The following USP35 variants were observed in gnomAD, a reference collection of about 807,000 sequenced individuals.
USP35 encodes the protein ubiquitin specific peptidase 35.
A neutral mutation model predicts 83.8 loss-of-function variants in USP35; 69 were observed. The observed-to-expected ratio is 0.82, with a 90% CI of 0.68 to 1.01. The LOEUF (loss-of-function observed/expected upper bound fraction) is 1.01. USP35 is among the 50% of genes least tolerant of loss of function. The pLI is 0.00. For synonymous variants in USP35, 714 were observed against 589.5 expected (o/e 1.21, Z -3.06); for missense variants, 1,503 against 1,362.5 (o/e 1.10, Z -1.62).
chr11:78,231,336 G>GGTGTGTGTGTGTGTGTGTGTGTGT, the USP35 span, among the ~76,000 whole-genome samples: 97 of 145,890 alleles, frequency 6.6e-4, 1 homozygote, highest in African/African-American at 2.2e-3. Context: ...GCGCGTGTGT[G>GGTGTGTGTGTGTGTGTGTGTGTGT]GTGTGTGTGT....
rs1326361553 is a variant in USP35 at position 78,209,717 on chromosome 11, T to A, written c.1862T>A (p.Ile621Asn). 1 of 1,613,874 alleles carries A rather than the reference T, an allele frequency of 6.2e-7. No individual in the cohort carries two copies. Among genetic ancestry groups the A allele is most frequent in the Non-Finnish European group, 8.5e-7 (1 of 1,179,960 alleles). ...LGSVMRPTED[I>N]TARELPPPTS... ...TCTGTGATGCGCCCCACAGAAGACATCACAGCCCGGGAGTTGCCCCCACCA... is the reference window on the plus strand; with the variant it reads ...TCTGTGATGCGCCCCACAGAAGACAACACAGCCCGGGAGTTGCCCCCACCA... The change falls in exon 10 of 11, where the codon ATC becomes AAC. Residue 621 changes from isoleucine to asparagine, a missense_variant. Transcript: ENST00000529308.
In USP35 at chr11:78,196,308, G is replaced by A. The variant is rs1364300026; in HGVS notation, c.63G>A (p.Leu21=). 1.3e-6 allele frequency: 2 copies of A among 1,592,396 alleles called. No homozygotes were observed. The highest frequency in any genetic ancestry group is 1.7e-6 in the Non-Finnish European group (2 of 1,176,526). The change falls in exon 2 of 11, where the codon CTG becomes CTA. Residue 21 remains leucine, a synonymous_variant. Transcript: ENST00000529308. The surrounding 1 kb of genome is among the most constrained non-coding windows in gnomAD (Gnocchi z 4.8). ...ACCCGGTCAGCGTGAAGCAGGGGCT[G>A]GTTCGGCGCGTGCTGGAGGCGGCGC... is the stretch of plus-strand genomic sequence containing the variant. ...SSYPVSVKQG[L]VRRVLEAARQ... is the part of the protein sequence containing the mutation.
the USP35 span, among the ~76,000 whole-genome samples, chr11:78,233,327 G>A: frequency 5.9e-5 from 9 of 152,168 alleles, no homozygotes; most frequent in East Asian, 1.9e-4. Flanking sequence ...GAGCCACTGC[G>A]TCTGGCCTGT....
rs1342028525 is a variant in USP35 at position 78,205,835 on chromosome 11, T to G, written c.1198-7T>G. 1 of 1,606,532 alleles carries G rather than the reference T, an allele frequency of 6.2e-7. No homozygotes were observed. On this transcript the variant is annotated splice_region_variant and splice_polypyrimidine_tract_variant and intron_variant, in intron 6 of 10. Coordinates refer to ENST00000529308, the MANE Select transcript of USP35 (RefSeq NM_020798.4). The stretch of plus-strand genomic sequence containing the variant: ...CCATCCTGCCTGCCTGCTTATTCCC[T>G]CCTCAGGACCTCCATGTTCCCAATG...
At chr11:78,203,537 G>A (rs987277298) in intron 6 of USP35, among the ~76,000 whole-genome samples, 1 of 152,114 alleles carries the variant, frequency 6.6e-6, no homozygotes, top group Admixed American at 6.5e-5. Flanking sequence ...AAAGACTCAA[G>A]TATGTATGTC....
downstream of USP35, chr11:78,217,479 T>G (rs2134444301): frequency 6.6e-6 from 1 of 152,270 alleles, no homozygotes. Context: ...TCATGGGAGC[T>G]GAAAGGGGAA....
intron 3 of USP35, 126 bp from the exon 4 acceptor site, chr11:78,199,469 G>A (rs1863267962): frequency 2.8e-6 from 4 of 1,421,612 alleles, no homozygotes; most frequent in Admixed American, 3.8e-5. Context: ...CACAGACCCC[G>A]GGGCTGCCCT....
chr11:78,215,190 AAAATACCC>A lies in USP35; in HGVS notation c.*1380_*1387del, dbSNP rs1565409707. 1 of 152,562 alleles carries A rather than the reference AAAATACCC, an allele frequency of 6.6e-6. No homozygotes were observed. Among genetic ancestry groups the A allele is most frequent in the African/African-American group, 2.4e-5 (1 of 41,426 alleles). 9.5% of individuals were successfully genotyped at this position (152,562 alleles called of 1,614,324 possible). On this transcript the variant is annotated 3_prime_UTR_variant, in exon 11 of 11. Coordinates refer to ENST00000529308, the MANE Select transcript of USP35 (RefSeq NM_020798.4). ...CATTTGTTCTTATTCACAGCCAAGA[AAAATACCC>A]AATTATTTCCAAATAAAGCAAAAAT...
the USP35 span, chr11:78,223,556 C>T: frequency 1.8e-4 from 295 of 1,613,760 alleles, no homozygotes; most frequent in East Asian, 5.1e-3. Flanking sequence ...GGGATGTAGA[C>T]GCTCTGGGAA....
intron 6 of USP35, among the ~76,000 whole-genome samples, chr11:78,204,818 T>G (rs1863485236): frequency 6.6e-6 from 1 of 152,202 alleles, no homozygotes; most frequent in South Asian, 2.1e-4. Context: ...TCTGATAAAT[T>G]ATCCGATAAA....
Position 78,196,498 on chromosome 11 carries a change from G to GTGCTGCGCC in USP35, c.260_268dup (p.Arg87_Leu89dup), listed in dbSNP as rs1863149901. 8.1e-7 allele frequency: 1 copy of GTGCTGCGCC among 1,232,190 alleles called. No homozygotes were observed. Among genetic ancestry groups the GTGCTGCGCC allele is most frequent in the Non-Finnish European group, 1.0e-6 (1 of 982,078 alleles). The allele number at this position is 1,232,190 out of a possible 1,614,324, so 76.3% of individuals were successfully genotyped here. A position where few individuals can be genotyped will look rare whatever the true frequency, so the allele number is the denominator to read the frequency against. On this transcript the variant is annotated inframe_insertion, in exon 2 of 11. Transcript: ENST00000529308. The surrounding 1 kb of genome is among the most constrained non-coding windows in gnomAD (Gnocchi z 4.8). ...CGCCGAGTTCTTCAGCGCGCGTCGCGTGCTGCGCCTGCTGCAGGGTGGCGC... is the reference window on the plus strand; with the variant it reads ...CGCCGAGTTCTTCAGCGCGCGTCGCGTGCTGCGCCTGCTGCGCCTGCTGCAGGGTGGCGC...
the USP35 span, among the ~76,000 whole-genome samples, chr11:78,231,336 G>GGTGC: frequency 6.9e-6 from 1 of 145,796 alleles, no homozygotes; most frequent in Admixed American, 6.8e-5. Context: ...GCGCGTGTGT[G>GGTGC]GTGTGTGTGT....
intron 5 of USP35, among the ~76,000 whole-genome samples, 156 bp downstream of exon 5, chr11:78,200,390 G>C (rs1863312057): frequency 6.6e-6 from 1 of 152,240 alleles, no homozygotes; most frequent in African/African-American, 2.4e-5. Context: ...GTGGGCTCTG[G>C]CCTCCCTTTG....
Position 78,207,594 on chromosome 11 carries a change from T to C in USP35, c.1456T>C (p.Trp486Arg), listed in dbSNP as rs768110839. ...NSQPLMTKLQ[W>R]LFGFLEHSQR... is the part of the protein sequence containing the mutation. Reference sequence around the variant, plus strand: ...ACAGCCCCTGATGACCAAGCTGCAGTGGCTCTTTGGCTTCCTAGAACACAG... The same window carrying C: ...ACAGCCCCTGATGACCAAGCTGCAGCGGCTCTTTGGCTTCCTAGAACACAG... Residue 486 changes from tryptophan to arginine, a missense_variant, in exon 8 of 11, where the codon TGG becomes CGG. Transcript: ENST00000529308. 2 of 1,613,972 alleles carry C rather than the reference T, an allele frequency of 1.2e-6. No individual in the cohort carries two copies. Among genetic ancestry groups the C allele is most frequent in the East Asian group, 4.5e-5 (2 of 44,896 alleles).
At chr11:78,203,933 C>T (rs1159799207) in intron 6 of USP35, among the ~76,000 whole-genome samples, 1 of 137,488 alleles carries the variant, frequency 7.3e-6, no homozygotes, top group Non-Finnish European at 1.5e-5. Context: ...CTCTGTCGTC[C>T]AGGCTGGAGT....
chr11:78,232,243 G>C, the USP35 span, among the ~76,000 whole-genome samples: 1 of 152,186 alleles, frequency 6.6e-6, no homozygotes, highest in African/African-American at 2.4e-5. Context: ...TCTTTCTATA[G>C]ACTACTGCTG....
chr11:78,212,490 C>G (rs147629894), intron 10 of USP35, among the ~76,000 whole-genome samples: 1 of 152,138 alleles, frequency 6.6e-6, no homozygotes, highest in African/African-American at 2.4e-5. Context: ...GGTAGTTTAA[C>G]GGGAATAGCA....
rs1457430523 is a variant in USP35, at chr11:78,215,116, G to A, written c.*1303G>A. ...CTAGACGCCTAAGAAAGCTGGATGG[G>A]TAAATGCTAGTATGATTTCCACTTT... On this transcript the variant is annotated 3_prime_UTR_variant, in exon 11 of 11. Transcript: ENST00000529308. Among the ~76,000 whole-genome samples, 1 of 152,186 alleles carries A rather than the reference G, an allele frequency of 6.6e-6. No homozygotes were observed. The highest frequency in any genetic ancestry group is 1.9e-4 in the East Asian group (1 of 5,194).
At position 78,213,746 on chromosome 11, in the gene USP35, A is replaced by AAGGCTCTCCAGGGGGCTGCAATCCTGC. The variant is rs1863917230; in HGVS notation, c.2994_3020dup (p.Ser999_Gly1007dup). ...TTTGATGAAGACAAGGATGAGGATG[A>AAGGCTCTCCAGGGGGCTGCAATCCTGC]AGGCTCTCCAGGGGGCTGCAATCCT... is the stretch of plus-strand genomic sequence containing the variant. On this transcript the variant is annotated inframe_insertion, in exon 11 of 11. Coordinates refer to ENST00000529308, the MANE Select transcript of USP35 (RefSeq NM_020798.4). 1 of 1,542,526 alleles carries AAGGCTCTCCAGGGGGCTGCAATCCTGC rather than the reference A, an allele frequency of 6.5e-7. No individual in the cohort carries two copies. Among genetic ancestry groups the AAGGCTCTCCAGGGGGCTGCAATCCTGC allele is most frequent in the African/African-American group, 1.4e-5 (1 of 69,670 alleles).
Sources: gnomAD v4.1 joint callset for allele counts (sites outside exome capture counted in the v4.1 genomes callset) on GRCh38, gnomAD v4.1.1 for gene constraint, Gnocchi (gnomAD v3.1) non-coding constraint, MANE v1.5 for transcripts, NCBI Gene and HGNC (gene_info 2026-07-23, HGNC 2026-07-21) for gene names.